The following ERBIN variants were observed in gnomAD, a reference collection of about 807,000 sequenced individuals.
ERBIN encodes densin-180-like protein.
In ERBIN, 60 loss-of-function variants were observed where a neutral mutation model predicts 158.4. The ratio of observed to expected loss-of-function variants is 0.38; its 90% CI spans 0.31 to 0.47. The LOEUF (loss-of-function observed/expected upper bound fraction) is 0.47, where lower values mean the gene tolerates loss of function less well. ERBIN is among the 20% of genes least tolerant of loss of function. ERBIN has a pLI of 0.99. For synonymous variants in ERBIN, 594 were observed against 557.2 expected (o/e 1.07, Z -0.93); for missense variants, 1,610 against 1,648.0 (o/e 0.98, Z 0.40).
intron 21 of ERBIN, among the ~76,000 whole-genome samples, chr5:66,064,856 C>A (rs1440894240): frequency 6.6e-6 from 1 of 151,970 alleles, no homozygotes; most frequent in Non-Finnish European, 1.5e-5. Flanking sequence ...GGTCATTAAC[C>A]TTATTTAATT....
chr5:66,024,842 G>A (rs928861101), intron 10 of ERBIN, among the ~76,000 whole-genome samples: 3 of 152,048 alleles, frequency 2.0e-5, no homozygotes, highest in African/African-American at 7.2e-5. Context: ...AGTCTGTGTA[G>A]TTGCTTGTTC....
intron 1 of ERBIN, among the ~76,000 whole-genome samples, chr5:65,972,167 C>T (rs1044055326): frequency 6.6e-6 from 1 of 152,156 alleles, no homozygotes; most frequent in Non-Finnish European, 1.5e-5. Context: ...TATTGCCAGA[C>T]TCTTAGCATT....
At chr5:65,975,670 T>C (rs1349406717) in intron 1 of ERBIN, among the ~76,000 whole-genome samples, 1 of 152,156 alleles carries the variant, frequency 6.6e-6, no homozygotes, top group Non-Finnish European at 1.5e-5. Flanking sequence ...GACAAAAGTG[T>C]GATTGGAGTG....
chr5:66,042,605 T>A (rs1189610384), intron 15 of ERBIN, among the ~76,000 whole-genome samples: 1 of 152,138 alleles, frequency 6.6e-6, no homozygotes, highest in African/African-American at 2.4e-5. Context: ...GTTCACCCTA[T>A]ATATCTGATA....
At chr5:65,940,500 C>A (rs1330706333) in intron 1 of ERBIN, among the ~76,000 whole-genome samples, 1 of 135,458 alleles carries the variant, frequency 7.4e-6, no homozygotes, top group African/African-American at 3.0e-5. Context: ...GCCAGCCGCC[C>A]CGTCTGGGAG....
intron 1 of ERBIN, among the ~76,000 whole-genome samples, chr5:65,940,546 C>T (rs1413137742): frequency 3.0e-5 from 4 of 135,054 alleles, no homozygotes; most frequent in Non-Finnish European, 3.2e-5. Flanking sequence ...CCCGGCCAGC[C>T]GCCCCGTCCG....
chr5:65,954,484 T>C (rs1746862959), intron 1 of ERBIN, among the ~76,000 whole-genome samples: 1 of 152,196 alleles, frequency 6.6e-6, no homozygotes, highest in South Asian at 2.1e-4. Context: ...TTTGGTTACA[T>C]GTGGACCTGA....
intron 21 of ERBIN, among the ~76,000 whole-genome samples, chr5:66,063,156 C>T (rs918585884): frequency 2.0e-5 from 3 of 152,222 alleles, no homozygotes; most frequent in South Asian, 4.1e-4. Context: ...TACCGAGGCA[C>T]GCAGGCCTCC....
At chr5:66,058,970 G>C (rs1759939400) in intron 21 of ERBIN, among the ~76,000 whole-genome samples, 1 of 152,168 alleles carries the variant, frequency 6.6e-6, no homozygotes, top group South Asian at 2.1e-4. Context: ...CAGGTAGCGT[G>C]ATGCCTCCAG....
chr5:66,042,468 T>G (rs1758006559), intron 15 of ERBIN, among the ~76,000 whole-genome samples: 1 of 152,012 alleles, frequency 6.6e-6, no homozygotes, highest in South Asian at 2.1e-4. Context: ...AGAATTCATA[T>G]CAGTTGAGCC....
chr5:66,068,377 T>C (rs920938296), intron 21 of ERBIN, among the ~76,000 whole-genome samples: 2 of 152,054 alleles, frequency 1.3e-5, no homozygotes, highest in African/African-American at 4.8e-5. Flanking sequence ...ATATTTTGTG[T>C]TATGTATATT....
intron 14 of ERBIN, among the ~76,000 whole-genome samples, chr5:66,029,425 G>A (rs1055729912): frequency 4.6e-5 from 7 of 152,006 alleles, no homozygotes; most frequent in African/African-American, 4.8e-5. Flanking sequence ...CATGAACTCC[G>A]CAGCCAAATT....
chr5:65,981,525 A>T (rs1750647309), intron 1 of ERBIN, among the ~76,000 whole-genome samples: 1 of 152,192 alleles, frequency 6.6e-6, no homozygotes, highest in Non-Finnish European at 1.5e-5. Flanking sequence ...TGAGGGGAAT[A>T]AAAAAATCCG....
At chr5:66,029,495 A>G (rs1274322741) in intron 14 of ERBIN, among the ~76,000 whole-genome samples, 6 of 152,172 alleles carry the variant, frequency 3.9e-5, no homozygotes, top group Non-Finnish European at 7.3e-5. Context: ...TGAGGTGTTA[A>G]TACAGTAAAG....
intron 1 of ERBIN, among the ~76,000 whole-genome samples, chr5:65,950,629 A>G: frequency 6.6e-6 from 1 of 152,224 alleles, no homozygotes; most frequent in East Asian, 1.9e-4. Context: ...TTAGAAGCCC[A>G]GCTCACCCTT....
At chr5:66,067,059 G>A (rs1761068383) in intron 21 of ERBIN, among the ~76,000 whole-genome samples, 1 of 152,128 alleles carries the variant, frequency 6.6e-6, no homozygotes, top group Non-Finnish European at 1.5e-5. Flanking sequence ...GCAAATGTGT[G>A]TGTCTGTTAT....
chr5:66,074,557 TAGTTTTTTTCTGA>T (rs1761815025), intron 22 of ERBIN, among the ~76,000 whole-genome samples: 1 of 152,202 alleles, frequency 6.6e-6, no homozygotes, highest in Non-Finnish European at 1.5e-5. Context: ...ACCACAAAAT[TAGTTTTTTTCTGA>T]AGAAAAACGT....
At chr5:65,975,160 A>AC (rs201851065) in intron 1 of ERBIN, among the ~76,000 whole-genome samples, 6,086 of 152,224 alleles carry the variant, frequency 0.04, 411 homozygotes, top group African/African-American at 0.14. Flanking sequence ...GGCATGTGCC[A>AC]CGATGCCCAG....
In ERBIN at chr5:65,994,735, T is replaced by G; in HGVS notation, c.190-12T>G. On this transcript the variant is annotated splice_polypyrimidine_tract_variant and intron_variant, in intron 3 of 25. Coordinates refer to ENST00000284037, the MANE Select transcript of ERBIN (RefSeq NM_001253697.2). ...TATATAATTGACATTCTTTCCTCCCTTTTTTCAATAGCAACTTTTTAACTG... is the reference window on the plus strand; with the variant it reads ...TATATAATTGACATTCTTTCCTCCCGTTTTTCAATAGCAACTTTTTAACTG... 1 of 1,485,882 alleles carries G rather than the reference T, an allele frequency of 6.7e-7. No homozygotes were observed. Among genetic ancestry groups the G allele is most frequent in the Non-Finnish European group, 9.2e-7 (1 of 1,083,968 alleles). 92.0% of individuals were successfully genotyped at this position (1,485,882 alleles called of 1,614,324 possible). A position where few individuals can be genotyped will look rare whatever the true frequency, so the allele number is the denominator to read the frequency against.
Sources: allele counts gnomAD v4.1 joint callset (sites outside exome capture counted in the v4.1 genomes callset), GRCh38; gene constraint gnomAD v4.1.1; transcripts MANE v1.5; gene names NCBI Gene and HGNC (gene_info 2026-07-23, HGNC 2026-07-21).